SCLT1: variants seen among roughly 807,000 people sequenced by gnomAD.
The protein encoded by SCLT1 is sodium channel-associated protein 1.
SCLT1 carries 78 observed loss-of-function variants against 112.8 expected under a neutral mutation model. The ratio of observed to expected loss-of-function variants is 0.69; its 90% confidence interval spans 0.58 to 0.83. The LOEUF (loss-of-function observed/expected upper bound fraction) is 0.83, where lower values mean the gene tolerates loss of function less well. Among genes scored for constraint, SCLT1 ranks in the 40% least tolerant of loss-of-function variants. The probability of loss-of-function intolerance (pLI) is 0.00; values close to 1 mark genes in which losing one functional copy is unlikely to be tolerated. For synonymous variants in SCLT1, 257 were observed against 254.7 expected (o/e 1.01, Z -0.09); for missense variants, 747 against 770.4 (o/e 0.97, Z 0.36).
Position 129,036,354 on chromosome 4 carries a change from T to C in SCLT1, c.290+2687A>G, listed in dbSNP as rs75265815. ...ATGAAAGGAATAATATAAAGTCCAA[T>C]ATAGGAAACAATTAAATGATTATCT... On this transcript the variant is annotated intron_variant, in intron 5 of 20. Transcript: ENST00000281142. Among the ~76,000 whole-genome samples the C allele has an allele frequency of 9.6e-3, 1,455 of 152,124 alleles. 17 individuals carry two copies. The highest frequency in any genetic ancestry group is 0.028 in the African/African-American group (1,166 of 41,542).
intron 2 of SCLT1, among the ~76,000 whole-genome samples, chr4:129,057,363 C>A (rs1175629960): frequency 6.6e-6 from 1 of 150,660 alleles, no homozygotes; most frequent in Non-Finnish European, 1.5e-5. Context: ...GAAGAATCAC[C>A]TAACCTTTGG....
rs1388012276 is a variant in SCLT1 at position 128,965,175 on chromosome 4, T to C, written c.869+52A>G. 6.6e-6 allele frequency: 6 copies of C among 915,556 alleles called. No individual in the cohort carries two copies. In the African/African-American group the frequency reaches 8.3e-5, roughly 13 times the overall value. The allele number at this position is 915,556 out of a possible 1,614,324, so 56.7% of individuals were successfully genotyped here. On this transcript the variant is annotated intron_variant, in intron 11 of 20. Coordinates refer to ENST00000281142, the MANE Select transcript of SCLT1 (RefSeq NM_144643.4). ...AATATCACACACTGAAACTCTATTG[T>C]AAAATATCTTTTAAAGCATATCAAC...
chr4:128,967,908 A>T (rs1740349511), intron 10 of SCLT1, among the ~76,000 whole-genome samples: 1 of 152,102 alleles, frequency 6.6e-6, no homozygotes, highest in African/African-American at 2.4e-5. Context: ...GGAGTCTTTG[A>T]CATAAAATCT....
chr4:128,955,633 G>A (rs920610552), intron 13 of SCLT1, among the ~76,000 whole-genome samples: 3 of 152,076 alleles, frequency 2.0e-5, no homozygotes, highest in Non-Finnish European at 2.9e-5. Context: ...AGGACATGCC[G>A]TGAATAATTT....
intron 18 of SCLT1, among the ~76,000 whole-genome samples, chr4:128,905,324 T>C (rs763628920): frequency 6.6e-6 from 1 of 152,146 alleles, no homozygotes; most frequent in African/African-American, 2.4e-5. Context: ...TGCCCACTTC[T>C]CTCCATCTCC....
chr4:128,962,224 T>C (rs1291148310), intron 11 of SCLT1, among the ~76,000 whole-genome samples: 1 of 152,244 alleles, frequency 6.6e-6, no homozygotes, highest in Non-Finnish European at 1.5e-5. Flanking sequence ...CATTCTAACA[T>C]GTAAGTTAAA....
downstream of SCLT1, among the ~76,000 whole-genome samples, chr4:128,882,661 T>C (rs1732668493): frequency 1.3e-5 from 2 of 152,180 alleles, no homozygotes; most frequent in Non-Finnish European, 1.5e-5. Context: ...GCTTGTACTC[T>C]GTTGGGGGGA....
At chr4:128,931,464 T>G (rs1210422423) in intron 18 of SCLT1, among the ~76,000 whole-genome samples, 1 of 152,026 alleles carries the variant, frequency 6.6e-6, no homozygotes, top group Non-Finnish European at 1.5e-5. Context: ...TTACAGAATT[T>G]TATTTTATTT....
intron 15 of SCLT1, 94 bp from the exon 16 acceptor site, chr4:128,946,246 C>A: frequency 1.4e-6 from 1 of 740,456 alleles, no homozygotes; most frequent in Non-Finnish European, 2.1e-6. Flanking sequence ...AATAAAAAGC[C>A]ATGATTATGT....
chr4:128,927,740 C>T (rs776941849), intron 18 of SCLT1, among the ~76,000 whole-genome samples: 1 of 151,078 alleles, frequency 6.6e-6, no homozygotes, highest in Non-Finnish European at 1.5e-5. Context: ...AAAAGAACAG[C>T]AACATGAAAG....
intron 7 of SCLT1, 35 bp downstream of exon 7, chr4:128,999,637 T>C (rs1743293261): frequency 6.4e-7 from 1 of 1,559,738 alleles, no homozygotes; most frequent in Non-Finnish European, 8.8e-7. Context: ...CAATTTCTTA[T>C]TGATATACAA....
At chr4:129,052,331 C>T (rs934292058) in intron 2 of SCLT1, among the ~76,000 whole-genome samples, 7 of 152,098 alleles carry the variant, frequency 4.6e-5, no homozygotes, top group Admixed American at 3.9e-4. Context: ...CTGGTAGAAT[C>T]CGGCTGTGAA....
chr4:128,968,287 G>A (rs990697454), intron 10 of SCLT1, among the ~76,000 whole-genome samples: 9 of 151,804 alleles, frequency 5.9e-5, no homozygotes, highest in Admixed American at 2.6e-4. Flanking sequence ...TCTGTTCTTT[G>A]GACAGGGAAA....
At chr4:129,046,401 T>A (rs1047100719) in intron 2 of SCLT1, among the ~76,000 whole-genome samples, 3 of 152,088 alleles carry the variant, frequency 2.0e-5, no homozygotes, top group African/African-American at 7.2e-5. Context: ...TTCCCTATTT[T>A]AAAAACATTA....
intron 9 of SCLT1, among the ~76,000 whole-genome samples, chr4:128,978,744 T>G (rs1741399710): frequency 6.6e-6 from 1 of 152,068 alleles, no homozygotes; most frequent in South Asian, 2.1e-4. Context: ...TGAGGAGTCA[T>G]CAGGGAGGTC....
intron 13 of SCLT1, among the ~76,000 whole-genome samples, chr4:128,955,923 A>T (rs1222258674): frequency 6.6e-6 from 1 of 152,180 alleles, no homozygotes; most frequent in Non-Finnish European, 1.5e-5. Flanking sequence ...TCCTGAGTGA[A>T]TAGCTGTAAT....
At chr4:129,053,144 C>T (rs1748980434) in intron 2 of SCLT1, among the ~76,000 whole-genome samples, 1 of 152,172 alleles carries the variant, frequency 6.6e-6, no homozygotes, top group South Asian at 2.1e-4. Flanking sequence ...TGTTTTACTT[C>T]CAATTTTGTG....
chr4:128,956,727 G>A (rs1200702737), intron 13 of SCLT1, among the ~76,000 whole-genome samples: 1 of 151,836 alleles, frequency 6.6e-6, no homozygotes, highest in Non-Finnish European at 1.5e-5. Flanking sequence ...GTTCACCTAG[G>A]AGAGAAATAA....
At position 129,037,303 on chromosome 4, in the gene SCLT1, G is replaced by C. The variant is rs1747267469; in HGVS notation, c.290+1738C>G. 5.3e-5 allele frequency: 8 copies of C among 152,278 alleles called. No homozygotes were observed. The South Asian group carries it at 1.7e-3, about 32-fold the overall frequency. The allele number at this position is 152,278 out of a possible 1,614,324, so 9.4% of individuals were successfully genotyped here. On this transcript the variant is annotated intron_variant, in intron 5 of 20. Coordinates refer to ENST00000281142, the MANE Select transcript of SCLT1 (RefSeq NM_144643.4). ...CTTCCACATTCTGGCCTCTGTCCCAGGGGCGGAAAGTCCAAAACTACATTG... is the reference window on the plus strand; with the variant it reads ...CTTCCACATTCTGGCCTCTGTCCCACGGGCGGAAAGTCCAAAACTACATTG...
Sources: allele counts gnomAD v4.1 joint callset (sites outside exome capture counted in the v4.1 genomes callset), GRCh38; gene constraint gnomAD v4.1.1; transcripts MANE v1.5; gene names NCBI Gene and HGNC (gene_info 2026-07-23, HGNC 2026-07-21).